Variants in SARDH observed in about 807,000 individuals in gnomAD.
SARDH encodes the protein sarcosine dehydrogenase.
Under a neutral mutation model 109.1 loss-of-function variants are expected in SARDH, and 95 were observed. The ratio of observed to expected loss-of-function variants is 0.87; its 90% CI spans 0.74 to 1.03. The LOEUF (loss-of-function observed/expected upper bound fraction) is 1.03, where lower values mean the gene tolerates loss of function less well. SARDH is among the 50% of genes least tolerant of loss of function. The pLI is 0.00. For synonymous variants in SARDH, 572 were observed against 534.8 expected (o/e 1.07, Z -0.96); for missense variants, 1,267 against 1,287.8 (o/e 0.98, Z 0.25).
At chr9:133,679,339 G>A (rs905215100) in intron 17 of SARDH, among the ~76,000 whole-genome samples, 2 of 152,256 alleles carry the variant, frequency 1.3e-5, no homozygotes, top group African/African-American at 4.8e-5. Context: ...GTTATCTAAC[G>A]TGTGTGGGTG....
chr9:133,679,129 C>G (rs1426849845), intron 17 of SARDH, among the ~76,000 whole-genome samples: 2 of 152,216 alleles, frequency 1.3e-5, no homozygotes, highest in African/African-American at 4.8e-5. Context: ...AGGCCCTTCA[C>G]ACTATCGTGG....
chr9:133,713,102 C>T lies in SARDH; in HGVS notation c.1173G>A (p.Lys391=). The change falls in exon 9 of 21, where the codon AAG becomes AAA. Residue 391 remains lysine (K), a synonymous_variant. Coordinates refer to ENST00000439388, the MANE Select transcript of SARDH (RefSeq NM_001134707.2). The part of the protein sequence containing the change: ...CGPESFTPDH[K]PLMGEAPELR... ...GCTCAGGTGCCTCCCCCATCAGGGG[C>T]TTGTGGTCGGGCGTGAAGGATTCTG... 2 of 1,613,468 alleles carry T rather than the reference C, an allele frequency of 1.2e-6. No individual in the cohort carries two copies. Among genetic ancestry groups the T allele is most frequent in the Non-Finnish European group, 1.7e-6 (2 of 1,179,952 alleles).
Position 133,664,010 on chromosome 9 carries a change from G to A in SARDH, c.2636C>T (p.Ser879Leu), listed in dbSNP as rs563709194. Residue 879 changes from serine to leucine, a missense_variant, in exon 21 of 21, where the codon TCG becomes TTG. Transcript: ENST00000439388. ...GTCCCCGCTCTTCACAAAGTCCAGCGAGACCTAGGAGCAGAGGTGGGGATG... is the reference window on the plus strand; with the variant it reads ...GTCCCCGCTCTTCACAAAGTCCAGCAAGACCTAGGAGCAGAGGTGGGGATG... ...YIHDPSGGPV[S>L]LDFVKSGDYA... The A allele has an allele frequency of 2.2e-5, 36 of 1,614,044 alleles. No individual in the cohort carries two copies. The highest frequency in any genetic ancestry group is 1.1e-4 in the East Asian group (5 of 44,884).
intron 8 of SARDH, among the ~76,000 whole-genome samples, chr9:133,713,902 C>T (rs1337666037): frequency 2.0e-5 from 3 of 152,228 alleles, no homozygotes; most frequent in Non-Finnish European, 4.4e-5. Flanking sequence ...TGGGCTTGGC[C>T]CTGGGAGGCA....
At chr9:133,696,140 G>C (rs1057282713) in intron 14 of SARDH, 83 bp downstream of exon 14, 2 of 1,557,944 alleles carry the variant, frequency 1.3e-6, no homozygotes, top group African/African-American at 2.7e-5. Flanking sequence ...CGAGGGGACA[G>C]GGTGGCTTGC....
intron 17 of SARDH, among the ~76,000 whole-genome samples, chr9:133,674,578 G>A (rs774500149): frequency 6.6e-5 from 10 of 152,228 alleles, no homozygotes; most frequent in Non-Finnish European, 1.2e-4. Context: ...AGAAAGTGAA[G>A]TCAAATGAAC....
At chr9:133,688,920 C>T (rs562353070) in intron 16 of SARDH, among the ~76,000 whole-genome samples, 6 of 152,378 alleles carry the variant, frequency 3.9e-5, no homozygotes, top group African/African-American at 9.6e-5. Flanking sequence ...TCAGCAAGCA[C>T]GCGTCTACCG....
chr9:133,729,998 G>A (rs1832619482), intron 5 of SARDH, 66 bp downstream of exon 5: 1 of 1,602,948 alleles, frequency 6.2e-7, no homozygotes, highest in African/African-American at 1.3e-5. Context: ...GCCCTGCAGA[G>A]GTGGGAGCAG....
In SARDH at chr9:133,700,729, A is replaced by C. The variant is rs980454709; in HGVS notation, c.1668+2187T>G. On this transcript the variant is annotated intron_variant, in intron 13 of 20. Transcript: ENST00000439388. ...CTGTTTTCAAAGCACACACACACAC[A>C]CGCACGCGCACACACACACACACAT... Among the ~76,000 whole-genome samples, 139 of 127,438 alleles carry C rather than the reference A, an allele frequency of 1.1e-3. 3 individuals are homozygous for C. Among genetic ancestry groups the C allele is most frequent in the Non-Finnish European group, 4.4e-4 (26 of 58,628 alleles). The allele number at this position is 127,438 out of a possible 152,430, so 83.6% of individuals were successfully genotyped here.
At chr9:133,733,707 C>A (rs1463716732) in intron 2 of SARDH, 136 bp downstream of exon 2, 6 of 804,174 alleles carry the variant, frequency 7.5e-6, no homozygotes, top group Non-Finnish European at 1.0e-5. Context: ...CACCTGCAAA[C>A]TGGCCATGCA....
chr9:133,670,786 C>A (rs763443979), intron 18 of SARDH, 34 bp from the exon 19 acceptor site: 5 of 1,531,794 alleles, frequency 3.3e-6, no homozygotes, highest in Non-Finnish European at 4.4e-6. Flanking sequence ...TCGGTGCCAC[C>A]CTGAGGGGGA....
At chr9:133,678,214 T>A (rs1020432203) in intron 17 of SARDH, among the ~76,000 whole-genome samples, 3 of 152,118 alleles carry the variant, frequency 2.0e-5, no homozygotes, top group Non-Finnish European at 4.4e-5. Context: ...CCCACCAGCC[T>A]CCACCACAGT....
At position 133,686,669 on chromosome 9, in the gene SARDH, C is replaced by T. The variant is rs961343798; in HGVS notation, c.2070-1383G>A. Among the ~76,000 whole-genome samples, 16 of 152,198 alleles carry T rather than the reference C, an allele frequency of 1.1e-4. No homozygotes were observed. Among genetic ancestry groups the T allele is most frequent in the Middle Eastern group, 3.4e-3 (1 of 294 alleles). On this transcript the variant is annotated intron_variant, in intron 16 of 20. Coordinates refer to ENST00000439388, the MANE Select transcript of SARDH (RefSeq NM_001134707.2). The surrounding 1 kb of genome is among the most constrained non-coding windows in gnomAD (Gnocchi z 4.0). The stretch of plus-strand genomic sequence containing the variant: ...GGGTGAGGCCCCCATTGCTAGGAGA[C>T]GCCCCCCCACTTCTGTCCCTCTGGG...
downstream of SARDH, among the ~76,000 whole-genome samples, chr9:133,663,302 G>A (rs1437946628): frequency 6.6e-6 from 1 of 152,246 alleles, no homozygotes; most frequent in Non-Finnish European, 1.5e-5. Context: ...AGGAGGCTTT[G>A]CCACCTGAAG....
Position 133,692,980 on chromosome 9 carries a change from G to A in SARDH, c.1921+1278C>T, listed in dbSNP as rs1243495756. 6.6e-6 allele frequency among the ~76,000 whole-genome samples: 1 copy of A among 152,076 alleles called. No individual in the cohort carries two copies. Among genetic ancestry groups the A allele is most frequent in the Non-Finnish European group, 1.5e-5 (1 of 67,994 alleles). ...GCTCACCTCACTACTCCCTGCTTTT[G>A]GCAGAACCGCAGAGGCCCAGGAGCC... is the stretch of plus-strand genomic sequence containing the variant. On this transcript the variant is annotated intron_variant, in intron 15 of 20. Coordinates refer to ENST00000439388, the MANE Select transcript of SARDH (RefSeq NM_001134707.2). This position sits in a 1 kb window ranked among gnomAD's most constrained non-coding sequence, Gnocchi z 5.0.
At position 133,675,444 on chromosome 9, in the gene SARDH, T is replaced by C. The variant is rs1212188421; in HGVS notation, c.2164-3747A>G. On this transcript the variant is annotated intron_variant, in intron 17 of 20. Transcript: ENST00000439388. ...CCCAGGAAAAGATGCTCCACGTCACTACCCATCAGAGGCACGCAAACCCAA... is the reference window on the plus strand; with the variant it reads ...CCCAGGAAAAGATGCTCCACGTCACCACCCATCAGAGGCACGCAAACCCAA... 6.6e-5 allele frequency among the ~76,000 whole-genome samples: 10 copies of C among 151,988 alleles called. No homozygotes were observed. In the East Asian group the frequency reaches 1.9e-3, roughly 29 times the overall value.
intron 6 of SARDH, chr9:133,725,256 T>C (rs2510235): frequency 0.33 from 53,172 of 161,124 alleles, 9,190 homozygotes; most frequent in Non-Finnish European, 0.37. Flanking sequence ...TTTTGGGGCA[T>C]GAAGATAATG....
At chr9:133,707,294 A>G (rs972629416) in intron 11 of SARDH, among the ~76,000 whole-genome samples, 3 of 152,136 alleles carry the variant, frequency 2.0e-5, no homozygotes, top group East Asian at 1.9e-4. Flanking sequence ...CCCTGCATTC[A>G]CCCAGGGAGG....
At chr9:133,679,409 C>T (rs1052017686) in intron 17 of SARDH, among the ~76,000 whole-genome samples, 1 of 152,264 alleles carries the variant, frequency 6.6e-6, no homozygotes, top group Non-Finnish European at 1.5e-5. Flanking sequence ...GGACTTCTCG[C>T]TGTCAGGAAA....
Sources: allele counts gnomAD v4.1 joint callset (sites outside exome capture counted in the v4.1 genomes callset), GRCh38; gene constraint gnomAD v4.1.1; non-coding constraint Gnocchi (gnomAD v3.1); transcripts MANE v1.5; gene names NCBI Gene and HGNC (gene_info 2026-07-23, HGNC 2026-07-21).